The following SMC2 variants were observed in gnomAD, a reference collection of about 807,000 sequenced individuals.
SMC2 encodes the protein structural maintenance of chromosomes 2.
A neutral mutation model predicts 142.6 loss-of-function variants in SMC2; 41 were observed. The ratio of observed to expected loss-of-function variants is 0.29; its 90% CI spans 0.22 to 0.37. The LOEUF is 0.37. Among genes scored for constraint, SMC2 ranks in the 10% least tolerant of loss-of-function variants. The pLI is 1.00. For synonymous variants in SMC2, 463 were observed against 457.5 expected (o/e 1.01, Z -0.15); for missense variants, 1,265 against 1,373.7 (o/e 0.92, Z 1.25).
chr9:104,140,793 T>TA lies in SMC2; in HGVS notation c.*1481dup. On this transcript the variant is annotated 3_prime_UTR_variant, in exon 25 of 25. Transcript: ENST00000374793. ...AGTTACCAATTCACACTGTCAATAT[T>TA]AAAGTATACCATAGTATACAAATTA... 6.6e-6 allele frequency: 1 copy of TA among 152,670 alleles called. No individual in the cohort carries two copies. 9.5% of individuals were successfully genotyped at this position (152,670 alleles called of 1,614,324 possible).
chr9:104,112,446 C>T (rs1391305812), intron 10 of SMC2, among the ~76,000 whole-genome samples: 1 of 152,124 alleles, frequency 6.6e-6, no homozygotes, highest in Non-Finnish European at 1.5e-5. Context: ...TGTACACAGG[C>T]ACATCATTGT....
At position 104,125,008 on chromosome 9, in the gene SMC2, C is replaced by G. The variant is rs774065596; in HGVS notation, c.2354C>G (p.Ala785Gly). 3 of 1,606,990 alleles carry G rather than the reference C, an allele frequency of 1.9e-6. No homozygotes were observed. In the South Asian group the frequency reaches 3.4e-5, roughly 18 times the overall value. ...VLENKMKNAE[A>G]ERERELKDAQ... ...GAAAATAAAATGAAAAATGCAGAAG[C>G]TGAAAGAGAGCGAGAACTGAAAGAT... The change falls in exon 18 of 25, where the codon GCT (alanine) becomes GGT (glycine). Residue 785 changes from alanine (A) to glycine (G), a missense_variant. Physicochemically the swap from Ala to Gly is moderately conservative, Grantham distance 60 (BLOSUM62 0). Around this residue, in one of 4 missense-constraint regions of SMC2, gnomAD observed 898 missense variants for 904.2 expected, o/e 0.99. Coordinates refer to ENST00000374793, the MANE Select transcript of SMC2 (RefSeq NM_006444.3).
chr9:104,097,479 C>A (rs1830576946), intron 3 of SMC2, among the ~76,000 whole-genome samples: 1 of 144,788 alleles, frequency 6.9e-6, no homozygotes, highest in Non-Finnish European at 1.5e-5. Flanking sequence ...TACAGATTTT[C>A]TCCTCTATTT....
intron 18 of SMC2, among the ~76,000 whole-genome samples, chr9:104,126,270 A>G (rs1189414611): frequency 6.6e-6 from 1 of 152,192 alleles, no homozygotes; most frequent in Admixed American, 6.5e-5. Context: ...TGAAGGCTAT[A>G]GTGGGAAAGA....
chr9:104,099,298 GT>G (rs1830848224), intron 4 of SMC2, among the ~76,000 whole-genome samples: 2 of 151,954 alleles, frequency 1.3e-5, no homozygotes, highest in South Asian at 4.1e-4. Flanking sequence ...AATGTTAAAA[GT>G]TTTTTAATTA....
intron 15 of SMC2, 92 bp downstream of exon 15, chr9:104,118,467 T>C: frequency 9.9e-7 from 1 of 1,006,942 alleles, no homozygotes; most frequent in Non-Finnish European, 1.5e-6. Context: ...TACCCACTTC[T>C]TCAGGAAACA....
At chr9:104,125,242 A>T in intron 18 of SMC2, 137 bp downstream of exon 18, 1 of 651,476 alleles carries the variant, frequency 1.5e-6, no homozygotes, top group South Asian at 2.6e-5. Flanking sequence ...TTGGAAACAA[A>T]TTATGCTTCT....
rs968544978 is a variant in SMC2, at chr9:104,124,987, A to G, written c.2333A>G (p.Asn778Ser). ...KAEEKYEVLE[N>S]KMKNAEAERE... The stretch of plus-strand genomic sequence containing the variant: ...GAAGAAAAATATGAAGTATTGGAAA[A>G]TAAAATGAAAAATGCAGAAGCTGAA... Residue 778 changes from asparagine (N) to serine (S), a missense_variant, in exon 18 of 25, where the codon AAT becomes AGT. Physicochemically the swap from Asn to Ser is conservative, Grantham distance 46. Coordinates refer to ENST00000374793, the MANE Select transcript of SMC2 (RefSeq NM_006444.3). 2.5e-6 allele frequency: 4 copies of G among 1,604,786 alleles called. No individual in the cohort carries two copies. In the South Asian group the frequency reaches 4.5e-5, roughly 18 times the overall value.
upstream of SMC2, among the ~76,000 whole-genome samples, chr9:104,093,544 A>G (rs550901768): frequency 3.7e-4 from 56 of 152,324 alleles, 1 homozygote; most frequent in South Asian, 0.011. Context: ...CCTAATATTC[A>G]GAACTCAATA....
At position 104,112,343 on chromosome 9, in the gene SMC2, C is replaced by G. The variant is rs76565439; in HGVS notation, c.1254+529C>G. 9.7e-3 allele frequency among the ~76,000 whole-genome samples: 1,469 copies of G among 152,208 alleles called. 46 individuals are homozygous for G. In the East Asian group the frequency reaches 0.097, roughly 10 times the overall value. ...ACTCTGATTTCATAATCTTAAAAGT[C>G]TTGTCAGTCTATTATAATGTTTCTC... On this transcript the variant is annotated intron_variant, in intron 10 of 24. Transcript: ENST00000374793.
In SMC2 at chr9:104,099,671, A is replaced by G. The variant is rs948795706; in HGVS notation, c.469A>G (p.Lys157Glu). 29 of 1,567,014 alleles carry G rather than the reference A, an allele frequency of 1.9e-5. No homozygotes were observed. Among genetic ancestry groups the G allele is most frequent in the Non-Finnish European group, 2.5e-5 (29 of 1,138,024 alleles). Residue 157 changes from lysine to glutamate, a missense_variant, in exon 5 of 25, where the codon AAA becomes GAA. Transcript: ENST00000374793. ...CCGAATTACAAAAGTATTGAATATG[A>G]AACCTCCAGAGGTAAGAGTACTATT... The part of the protein sequence containing the change: ...QGRITKVLNM[K>E]PPEILSMIEE...
rs781024591 is a variant in SMC2 at position 104,116,205 on chromosome 9, T to C, written c.1677T>C (p.Thr559=). The C allele has an allele frequency of 5.7e-6, 9 of 1,590,048 alleles. No homozygotes were observed. The highest frequency in any genetic ancestry group is 1.4e-5 in the African/African-American group (1 of 73,186). The change falls in exon 14 of 25, where the codon ACT becomes ACC. Residue 559 remains threonine (T), a synonymous_variant. Coordinates refer to ENST00000374793, the MANE Select transcript of SMC2 (RefSeq NM_006444.3). The stretch of plus-strand genomic sequence containing the variant: ...AATTCAAATGTGTGTTGTAGGTTAC[T>C]GGTAAAAAGCTACTAGAAAGGGGGG... The part of the protein sequence containing the change: ...LYNVVVDTEV[T]GKKLLERGEL...
At chr9:104,111,128 A>G (rs988140400) in intron 9 of SMC2, among the ~76,000 whole-genome samples, 3 of 152,228 alleles carry the variant, frequency 2.0e-5, no homozygotes, top group Admixed American at 1.3e-4. Flanking sequence ...AAGGTGTTAC[A>G]TAATAGTAAT....
chr9:104,134,346 C>CA, intron 22 of SMC2, 69 bp from the exon 23 acceptor site: 1 of 1,196,680 alleles, frequency 8.4e-7, no homozygotes, highest in Non-Finnish European at 1.2e-6. Flanking sequence ...GTTGCATATA[C>CA]ATATATCAAC....
intron 10 of SMC2, among the ~76,000 whole-genome samples, 159 bp from the exon 11 acceptor site, chr9:104,113,157 G>A (rs1832683502): frequency 6.6e-6 from 1 of 151,924 alleles, no homozygotes. Context: ...GAAAATACTG[G>A]GAAATGACTA....
chr9:104,132,709 T>A (rs1374571115), intron 22 of SMC2, among the ~76,000 whole-genome samples: 1 of 152,118 alleles, frequency 6.6e-6, no homozygotes, highest in Non-Finnish European at 1.5e-5. Flanking sequence ...TTTAGTCACC[T>A]TGTTTTTTTC....
At position 104,104,486 on chromosome 9, in the gene SMC2, G is replaced by C. The variant is rs139364706; in HGVS notation, c.1020+1913G>C. ...CAGCCTGCTCTGAGTTTATACCCTAGAGTAACATGAGACACTGGGCTGAAG... is the reference window on the plus strand; with the variant it reads ...CAGCCTGCTCTGAGTTTATACCCTACAGTAACATGAGACACTGGGCTGAAG... On this transcript the variant is annotated intron_variant, in intron 9 of 24. Coordinates refer to ENST00000374793, the MANE Select transcript of SMC2 (RefSeq NM_006444.3). 2.6e-3 allele frequency among the ~76,000 whole-genome samples: 400 copies of C among 152,278 alleles called. 1 individual carries two copies. Among genetic ancestry groups the C allele is most frequent in the African/African-American group, 9.1e-3 (378 of 41,570 alleles).
chr9:104,138,795 T>C (rs1428656497), intron 24 of SMC2, among the ~76,000 whole-genome samples: 1 of 152,166 alleles, frequency 6.6e-6, no homozygotes, highest in Non-Finnish European at 1.5e-5. Context: ...CTGTTTGGGC[T>C]AGTGGTGTGC....
chr9:104,126,209 C>A (rs1834256075), intron 18 of SMC2, among the ~76,000 whole-genome samples: 1 of 152,318 alleles, frequency 6.6e-6, no homozygotes, highest in Non-Finnish European at 1.5e-5. Context: ...TCATCTTCCA[C>A]AAATCTGGTC....
Sources: allele counts gnomAD v4.1 joint callset (sites outside exome capture counted in the v4.1 genomes callset), GRCh38; gene constraint gnomAD v4.1.1; regional missense constraint gnomAD v4.1.1; transcripts MANE v1.5; gene names NCBI Gene and HGNC (gene_info 2026-07-23, HGNC 2026-07-21).